OPCML: variants seen among roughly 807,000 people sequenced by gnomAD.
The protein encoded by OPCML is opioid binding protein/cell adhesion molecule like.
OPCML carries 13 observed loss-of-function variants against 37.8 expected under a neutral mutation model. That is an observed-to-expected ratio of 0.34 (90% CI 0.22 to 0.55). The LOEUF is 0.55. Ranked by LOEUF, OPCML falls within the 20% of genes least tolerant of loss-of-function variation. The pLI is 0.91. For synonymous variants in OPCML, 176 were observed against 168.8 expected (o/e 1.04, Z -0.33); for missense variants, 341 against 435.6 (o/e 0.78, Z 1.93).
intron 1 of OPCML, among the ~76,000 whole-genome samples, chr11:133,372,555 C>A (rs1360863233): frequency 6.6e-6 from 1 of 152,178 alleles, no homozygotes; most frequent in African/African-American, 2.4e-5. Context: ...TTACTCTTCT[C>A]ATTTATCAAA....
chr11:132,838,933 G>T (rs1311651277), intron 2 of OPCML, among the ~76,000 whole-genome samples: 15 of 152,094 alleles, frequency 9.9e-5, no homozygotes, highest in African/African-American at 2.9e-4. Flanking sequence ...CAGGAAGGAG[G>T]TCCTTAAGAA....
chr11:132,419,958 A>T lies in OPCML; in HGVS notation c.*235T>A. 1 of 494,366 alleles carries T rather than the reference A, an allele frequency of 2.0e-6. No individual in the cohort carries two copies. Among genetic ancestry groups the T allele is most frequent in the Admixed American group, 3.7e-5 (1 of 26,890 alleles). The allele number at this position is 494,366 out of a possible 1,614,324, so 30.6% of individuals were successfully genotyped here. ...GCAGGAGCAGACCCCATTTTTGGAC[A>T]CACCAATGAATGATTATCCTACACG... On this transcript the variant is annotated 3_prime_UTR_variant, in exon 8 of 8. Coordinates refer to ENST00000524381, the MANE Select transcript of OPCML (RefSeq NM_001012393.5).
intron 1 of OPCML, among the ~76,000 whole-genome samples, chr11:133,253,014 TG>T (rs1941189847): frequency 6.6e-6 from 1 of 151,694 alleles, no homozygotes; most frequent in Non-Finnish European, 1.5e-5. Flanking sequence ...GGCGTGGTGG[TG>T]GGCACCGGTA....
At chr11:132,442,687 G>A (rs551799000) in intron 4 of OPCML, among the ~76,000 whole-genome samples, 7 of 152,312 alleles carry the variant, frequency 4.6e-5, no homozygotes, top group African/African-American at 9.6e-5. Flanking sequence ...AATCATGGGC[G>A]CAGTTCCCCC....
chr11:133,063,102 G>C (rs1272385222), intron 1 of OPCML, among the ~76,000 whole-genome samples: 1 of 152,238 alleles, frequency 6.6e-6, no homozygotes, highest in Non-Finnish European at 1.5e-5. Flanking sequence ...CTACCGGTCA[G>C]TCCAGAGACC....
At chr11:132,929,210 A>G (rs1404042832) in intron 2 of OPCML, among the ~76,000 whole-genome samples, 1 of 151,968 alleles carries the variant, frequency 6.6e-6, no homozygotes, top group Non-Finnish European at 1.5e-5. Flanking sequence ...CTTTAGCTAG[A>G]TTGACTAAGA....
At chr11:133,470,184 G>A (rs538424206) in intron 1 of OPCML, among the ~76,000 whole-genome samples, 3 of 152,094 alleles carry the variant, frequency 2.0e-5, no homozygotes, top group South Asian at 2.1e-4. Flanking sequence ...GGAACTCCAC[G>A]AAACTAGAGA....
rs763113690 is a variant in OPCML at position 132,827,882 on chromosome 11, C to T, written c.146+115044G>A. ...TCCTGACCTCATGATCTGCCCGCCT[C>T]GGCCTCCCACAGTGCTGGGATTACA... On this transcript the variant is annotated intron_variant, in intron 2 of 7. Transcript: ENST00000524381. Among the ~76,000 whole-genome samples, 6 of 152,144 alleles carry T rather than the reference C, an allele frequency of 3.9e-5. No individual in the cohort carries two copies. In the South Asian group the frequency reaches 6.2e-4, roughly 16 times the overall value.
rs1412125694 is a variant in OPCML at position 133,211,545 on chromosome 11, A to G, written c.62-268535T>C. 6.6e-6 allele frequency among the ~76,000 whole-genome samples: 1 copy of G among 152,164 alleles called. No individual in the cohort carries two copies. The highest frequency in any genetic ancestry group is 1.5e-5 in the Non-Finnish European group (1 of 68,030). The stretch of plus-strand genomic sequence containing the variant: ...GAGGAGGGGCTTTGAAAACTTGAAC[A>G]CTTCCGAAGGTTCTGTAACTATGCT... On this transcript the variant is annotated intron_variant, in intron 1 of 7. Coordinates refer to ENST00000524381, the MANE Select transcript of OPCML (RefSeq NM_001012393.5). This position sits in a 1 kb window ranked among gnomAD's most constrained non-coding sequence, Gnocchi z 4.1.
chr11:133,224,673 G>A (rs1374027250), intron 1 of OPCML, among the ~76,000 whole-genome samples: 2 of 152,178 alleles, frequency 1.3e-5, no homozygotes, highest in African/African-American at 2.4e-5. Flanking sequence ...AGGAAGAATT[G>A]CTATTTCTTT....
chr11:132,455,537 C>CTTG lies in OPCML; in HGVS notation c.506-18179_506-18178insCAA, dbSNP rs1185526142. Among the ~76,000 whole-genome samples the CTTG allele has an allele frequency of 3.3e-3, 509 of 152,312 alleles. 3 individuals are homozygous for CTTG. Among genetic ancestry groups the CTTG allele is most frequent in the African/African-American group, 0.011 (471 of 41,570 alleles). ...CTTTGAGATGCCACTTAGGAGCATG[C>CTTG]TATCTCCCTTGCTGGAGATAGTCTT... On this transcript the variant is annotated intron_variant, in intron 4 of 7. Transcript: ENST00000524381.
At chr11:132,452,289 C>T (rs989122991) in intron 4 of OPCML, among the ~76,000 whole-genome samples, 3 of 152,178 alleles carry the variant, frequency 2.0e-5, no homozygotes, top group South Asian at 2.1e-4. Flanking sequence ...TCTAGGCTCA[C>T]GGAGGTGGGT....
At chr11:133,522,317 C>T (rs774173122) in intron 1 of OPCML, among the ~76,000 whole-genome samples, 90 of 152,128 alleles carry the variant, frequency 5.9e-4, no homozygotes, top group Non-Finnish European at 9.8e-4. Context: ...TGTCATGGTG[C>T]GTAGACCAAA....
At chr11:132,438,030 T>C (rs772310872) in intron 4 of OPCML, among the ~76,000 whole-genome samples, 120 of 152,230 alleles carry the variant, frequency 7.9e-4, no homozygotes, top group Non-Finnish European at 1.1e-3. Context: ...GTTGCCAGAA[T>C]AGCCTAGTGG....
intron 1 of OPCML, among the ~76,000 whole-genome samples, chr11:133,141,603 C>G (rs938417444): frequency 6.6e-6 from 1 of 152,068 alleles, no homozygotes; most frequent in South Asian, 2.1e-4. Context: ...TTTATTGAAT[C>G]TCACCTTTCT....
At chr11:133,109,415 AG>A (rs2137088989) in intron 1 of OPCML, among the ~76,000 whole-genome samples, 2 of 152,140 alleles carry the variant, frequency 1.3e-5, no homozygotes, top group South Asian at 4.2e-4. Context: ...GTCCTATCAG[AG>A]TGCCCTTTTT....
In OPCML at chr11:133,143,697, C is replaced by T. The variant is rs114402406; in HGVS notation, c.62-200687G>A. On this transcript the variant is annotated intron_variant, in intron 1 of 7. Transcript: ENST00000524381. ...GCATGAATCGGATGATGCCATTTTC[C>T]TTGTCGGGTAAATGAGGAAAGGGAT... Among the ~76,000 whole-genome samples, 269 of 152,252 alleles carry T rather than the reference C, an allele frequency of 1.8e-3. 4 individuals are homozygous for T. The highest frequency in any genetic ancestry group is 6.2e-3 in the African/African-American group (258 of 41,546).
chr11:132,563,200 T>A (rs942276033), intron 3 of OPCML, among the ~76,000 whole-genome samples: 2 of 152,152 alleles, frequency 1.3e-5, no homozygotes, highest in African/African-American at 4.8e-5. Flanking sequence ...AGATGAGGCT[T>A]ATGCAGCCAG....
At chr11:133,099,434 C>CTT (rs940124657) in intron 1 of OPCML, among the ~76,000 whole-genome samples, 1 of 119,058 alleles carries the variant, frequency 8.4e-6, no homozygotes, top group African/African-American at 2.8e-5. Context: ...GGCTAATTTT[C>CTT]TTTTTTTCTT....
Sources: gnomAD v4.1 joint callset for allele counts (sites outside exome capture counted in the v4.1 genomes callset) on GRCh38, gnomAD v4.1.1 for gene constraint, Gnocchi (gnomAD v3.1) non-coding constraint, MANE v1.5 for transcripts, NCBI Gene and HGNC (gene_info 2026-07-23, HGNC 2026-07-21) for gene names.